DST: variants seen among roughly 807,000 people sequenced by gnomAD.
DST encodes the protein bullous pemphigoid antigen.
DST carries 253 observed loss-of-function variants against 875.2 expected under a neutral mutation model. The ratio of observed to expected loss-of-function variants is 0.29; its 90% CI spans 0.26 to 0.32. The LOEUF is 0.32. Among genes scored for constraint, DST ranks in the 10% least tolerant of loss-of-function variants. The pLI is 1.00. For synonymous variants in DST, 3,124 were observed against 3,197.1 expected, an observed-to-expected ratio of 0.98 and a Z score of 0.77; for missense variants, 8,287 against 9,111.6, an observed-to-expected ratio of 0.91 and a Z score of 3.68.
intron 100 of DST, chr6:56,464,021 A>G (rs1394026254): frequency 3.6e-6 from 2 of 548,994 alleles, no homozygotes; most frequent in African/African-American, 3.8e-5. Context: ...CACCAGCAAG[A>G]ATAACCACTA....
chr6:56,678,016 C>T (rs561060514), intron 9 of DST, among the ~76,000 whole-genome samples: 1 of 152,234 alleles, frequency 6.6e-6, no homozygotes, highest in Non-Finnish European at 1.5e-5. Flanking sequence ...CAGGTGAATT[C>T]TAACTCCTCC....
chr6:56,574,263 T>C (rs148531531), intron 50 of DST, among the ~76,000 whole-genome samples: 10 of 152,288 alleles, frequency 6.6e-5, no homozygotes, highest in Admixed American at 4.6e-4. Flanking sequence ...CCATACTTAT[T>C]GAAAATTACT....
chr6:56,891,690 C>A (rs1484421046), intron 3 of DST, among the ~76,000 whole-genome samples: 1 of 150,918 alleles, frequency 6.6e-6, no homozygotes, highest in African/African-American at 2.4e-5. Context: ...GCCGTGATTG[C>A]GCGACTGCAC....
intron 4 of DST, among the ~76,000 whole-genome samples, chr6:56,782,411 G>T (rs1490627956): frequency 6.6e-6 from 1 of 152,078 alleles, no homozygotes; most frequent in Non-Finnish European, 1.5e-5. Context: ...GCCTGTTATT[G>T]GTCTATTCAG....
rs777934240 is a variant in DST at position 56,640,149 on chromosome 6, C to A, written c.2484G>T (p.Glu828Asp). Residue 828 changes from glutamate to aspartate, a missense_variant, in exon 18 of 104, where the codon GAG (glutamate) becomes GAT (aspartate). By Grantham distance (45) the Glu-to-Asp change is conservative. Transcript: ENST00000680361. Reference protein sequence around the residue: ...FVQDLLNWVDEMQVQLDRTEW... With the variant: ...FVQDLLNWVDDMQVQLDRTEW... ...AAAGTAAACATTTTTTTACCTGCAT[C>A]TCATCAACCCAATTCAAAAGATCCT... 6.2e-7 allele frequency: 1 copy of A among 1,613,910 alleles called. No individual in the cohort carries two copies.
At position 56,605,608 on chromosome 6, in the gene DST, T is replaced by C; in HGVS notation, c.9020A>G (p.Lys3007Arg). ...IICTEPDLIG[K>R]PAEESHLSLI... ...TGACAAATGGCTTTCCTCAGCAGGTTTTCCTATTAAATCAGGCTCAGTACA... is the reference window on the plus strand; with the variant it reads ...TGACAAATGGCTTTCCTCAGCAGGTCTTCCTATTAAATCAGGCTCAGTACA... The change falls in exon 40 of 104, where the codon AAA (lysine) becomes AGA (arginine). Residue 3007 changes from lysine (K) to arginine (R), a missense_variant. Lys to Arg is a conservative substitution (Grantham distance 26). Coordinates refer to ENST00000680361, the MANE Select transcript of DST (RefSeq NM_001374736.1). 1 of 1,613,082 alleles carries C rather than the reference T, an allele frequency of 6.2e-7. No homozygotes were observed. Among genetic ancestry groups the C allele is most frequent in the Non-Finnish European group, 8.5e-7 (1 of 1,179,342 alleles).
At chr6:56,886,387 A>G (rs1784679451) in intron 3 of DST, among the ~76,000 whole-genome samples, 1 of 152,202 alleles carries the variant, frequency 6.6e-6, no homozygotes, top group African/African-American at 2.4e-5. Context: ...GCCATACCCA[A>G]CACACAGGGT....
Position 56,636,540 on chromosome 6 carries a change from T to C in DST, c.3060+17A>G, listed in dbSNP as rs768940339. On this transcript the variant is annotated intron_variant, in intron 23 of 103. Transcript: ENST00000680361. ...ATCACAATACCATCTATTGAAGTTA[T>C]GATTCTACTCACATACCTCGAAATA... 1.9e-5 allele frequency: 30 copies of C among 1,603,084 alleles called. No individual in the cohort carries two copies. The highest frequency in any genetic ancestry group is 1.4e-4 in the South Asian group (13 of 90,946).
chr6:56,536,674 G>C, intron 62 of DST, 105 bp downstream of exon 62: 3 of 1,105,252 alleles, frequency 2.7e-6, no homozygotes, highest in Non-Finnish European at 3.8e-6. Context: ...TAAAACAGTA[G>C]ACATATTTAG....
chr6:56,678,264 T>C (rs933544871), intron 9 of DST, among the ~76,000 whole-genome samples: 1 of 152,236 alleles, frequency 6.6e-6, no homozygotes, highest in Non-Finnish European at 1.5e-5. Flanking sequence ...ACCTACATCC[T>C]GGATCTCATC....
chr6:56,555,600 C>G lies in DST; in HGVS notation c.14881G>C (p.Asp4961His). The change falls in exon 60 of 104, where the codon GAT (aspartate) becomes CAT (histidine). Residue 4961 changes from aspartate to histidine, a missense_variant. Asp to His is a moderately conservative substitution (Grantham distance 81). Coordinates refer to ENST00000680361, the MANE Select transcript of DST (RefSeq NM_001374736.1). The part of the protein sequence containing the change: ...QYQSLLRSLS[D>H]KLSDLDNKLS... ...TTATTATCCAAGTCACTCAGTTTATCAGAAAGGCTTCTCAGCAGGCTTTGA... is the reference window on the plus strand; with the variant it reads ...TTATTATCCAAGTCACTCAGTTTATGAGAAAGGCTTCTCAGCAGGCTTTGA... 1 of 1,614,036 alleles carries G rather than the reference C, an allele frequency of 6.2e-7. No individual in the cohort carries two copies. The highest frequency in any genetic ancestry group is 8.5e-7 in the Non-Finnish European group (1 of 1,179,890).
At chr6:56,633,060 G>C in intron 27 of DST, 23 bp from the exon 28 acceptor site, 1 of 1,605,600 alleles carries the variant, frequency 6.2e-7, no homozygotes, top group Non-Finnish European at 8.5e-7. Flanking sequence ...AAAGACCCAT[G>C]TAATTCATTC....
chr6:56,513,782 C>A (rs888182193), intron 72 of DST, among the ~76,000 whole-genome samples: 14 of 152,128 alleles, frequency 9.2e-5, no homozygotes, highest in African/African-American at 3.4e-4. Context: ...ATGCCTTTTG[C>A]CTTATATGTG....
chr6:56,934,756 TCC>T (rs1812163635), intron 2 of DST, among the ~76,000 whole-genome samples: 1 of 150,558 alleles, frequency 6.6e-6, no homozygotes, highest in Non-Finnish European at 1.5e-5. Flanking sequence ...GGCTGACCCT[TCC>T]AATAACTTCC....
chr6:56,946,021 T>C (rs1819294829), intron 2 of DST, among the ~76,000 whole-genome samples: 1 of 152,194 alleles, frequency 6.6e-6, no homozygotes, highest in African/African-American at 2.4e-5. Flanking sequence ...CACTTAATTA[T>C]ACACTTAAAT....
At chr6:56,638,077 G>C (rs2098843641) in intron 22 of DST, among the ~76,000 whole-genome samples, 1 of 151,574 alleles carries the variant, frequency 6.6e-6, no homozygotes, top group African/African-American at 2.4e-5. Flanking sequence ...AGATGACTAA[G>C]GTTTCATTTT....
At chr6:56,629,679 TCAA>T (rs1337574758) in intron 31 of DST, among the ~76,000 whole-genome samples, 3 of 152,180 alleles carry the variant, frequency 2.0e-5, no homozygotes, top group Non-Finnish European at 4.4e-5. Context: ...AATTTGCATA[TCAA>T]CAAAATAAAA....
In DST at chr6:56,560,310, C is replaced by A. The variant is rs2097517519; in HGVS notation, c.14424G>T (p.Gln4808His). The A allele has an allele frequency of 1.7e-5, 27 of 1,609,680 alleles. No homozygotes were observed. Among genetic ancestry groups the A allele is most frequent in the Non-Finnish European group, 2.3e-5 (27 of 1,177,836 alleles). Residue 4808 changes from glutamine to histidine, a missense_variant, in exon 58 of 104, where the codon CAG (glutamine) becomes CAT (histidine). This residue lies in a region of DST where 1,513 missense variants were observed against 1,677.8 expected (regional missense o/e 0.90). Coordinates refer to ENST00000680361, the MANE Select transcript of DST (RefSeq NM_001374736.1). ...PDTPEAPRWK[Q>H]MLTEIDSKWQ... ...GCAACATACCTATTTCTGTCAACAT[C>A]TGTTTCCATCTGGGGGCCTCAGGAG...
At chr6:56,708,797 G>A (rs1563796818) in intron 5 of DST, among the ~76,000 whole-genome samples, 1 of 152,156 alleles carries the variant, frequency 6.6e-6, no homozygotes, top group East Asian at 1.9e-4. Flanking sequence ...AGAAATTTAA[G>A]GGAAAGAAAA....
Sources: allele counts gnomAD v4.1 joint callset (sites outside exome capture counted in the v4.1 genomes callset), GRCh38; gene constraint gnomAD v4.1.1; regional missense constraint gnomAD v4.1.1; transcripts MANE v1.5; gene names NCBI Gene and HGNC (gene_info 2026-07-23, HGNC 2026-07-21).